The following ELOVL3 variants were observed in gnomAD, a reference collection of about 807,000 sequenced individuals.
ELOVL3 encodes ELOVL fatty acid elongase 3, also known as very long chain fatty acid elongase 3.
In ELOVL3, 11 loss-of-function variants were observed where a neutral mutation model predicts 14.9. The observed-to-expected ratio is 0.74, with a 90% CI of 0.46 to 1.22. The LOEUF (loss-of-function observed/expected upper bound fraction) is 1.22. ELOVL3 is among the 50% of genes most tolerant of loss of function. The pLI is 0.00. For synonymous variants in ELOVL3, 117 were observed against 124.7 expected, an observed-to-expected ratio of 0.94 and a Z score of 0.41; for missense variants, 277 against 338.9, an observed-to-expected ratio of 0.82 and a Z score of 1.43.
intron 1 of ELOVL3, among the ~76,000 whole-genome samples, chr10:102,227,147 G>A (rs2070142626): frequency 6.6e-6 from 1 of 152,138 alleles, no homozygotes; most frequent in Non-Finnish European, 1.5e-5. Context: ...AAGCTCCCCA[G>A]AGGTTTTGGA....
At chr10:102,226,700 G>A (rs1485630712) in intron 1 of ELOVL3, 51 bp downstream of exon 1, 4 of 1,304,468 alleles carry the variant, frequency 3.1e-6, no homozygotes, top group Non-Finnish European at 4.4e-6. Flanking sequence ...GGGCCGGGGC[G>A]CGAGGGGGTG....
In ELOVL3 at chr10:102,226,569, C is replaced by T. The variant is rs1475813379; in HGVS notation, c.21C>T (p.Val7=). Reference sequence around the variant, plus strand: ...ACTAGATGGTCACAGCCATGAATGTCTCACATGAAGTAAATCAGCTGTTCC... The same window carrying T: ...ACTAGATGGTCACAGCCATGAATGTTTCACATGAAGTAAATCAGCTGTTCC... MVTAMN[V]SHEVNQLFQP... The change falls in exon 1 of 4, where the codon GTC becomes GTT. Residue 7 remains valine (V), a synonymous_variant. Coordinates refer to ENST00000370005, the MANE Select transcript of ELOVL3 (RefSeq NM_152310.3). 2.5e-6 allele frequency: 4 copies of T among 1,614,026 alleles called. No individual in the cohort carries two copies. The South Asian group carries it at 3.3e-5, about 13-fold the overall frequency.
intron 2 of ELOVL3, 109 bp downstream of exon 2, chr10:102,227,866 G>A: frequency 7.9e-7 from 1 of 1,267,748 alleles, no homozygotes; most frequent in Non-Finnish European, 1.1e-6. Flanking sequence ...AAGTTGCCTT[G>A]TAACACTCTC....
At position 102,229,036 on chromosome 10, in the gene ELOVL3, C is replaced by T. The variant is rs990596420; in HGVS notation, c.597C>T (p.Pro199=). 3.7e-6 allele frequency: 6 copies of T among 1,614,198 alleles called. No homozygotes were observed. In the East Asian group the frequency reaches 8.9e-5, roughly 24 times the overall value. ...ACGTGAAGCCCCCCAAGATGCTGCC[C>T]ATGCTCATCACCAGCCTGCAGATCT... The part of the protein sequence containing the change: ...AANVKPPKML[P]MLITSLQILQ... The change falls in exon 4 of 4, where the codon CCC becomes CCT. Residue 199 remains proline, a synonymous_variant. Coordinates refer to ENST00000370005, the MANE Select transcript of ELOVL3 (RefSeq NM_152310.3).
rs993826543 is a variant in ELOVL3 at position 102,226,322 on chromosome 10, C to A, written c.-227C>A. ...GCGCAGGAAAGAGGTCGCGCCAGCC[C>A]GGGCAGGCAGCTTTGCAAGTCCGCG... On this transcript the variant is annotated 5_prime_UTR_variant, in exon 1 of 4. Coordinates refer to ENST00000370005, the MANE Select transcript of ELOVL3 (RefSeq NM_152310.3). 2.0e-6 allele frequency: 1 copy of A among 510,634 alleles called. No homozygotes were observed. The highest frequency in any genetic ancestry group is 2.2e-5 in the South Asian group (1 of 44,460). 31.6% of individuals were successfully genotyped at this position (510,634 alleles called of 1,614,324 possible).
chr10:102,226,435 A>C lies in ELOVL3; in HGVS notation c.-114A>C, dbSNP rs2070136337. ...CGACGCCCTCCTCCCTTTGCCCAGGAGTTCCTTCTGTCCCGGCTCTGTTCC... is the reference window on the plus strand; with the variant it reads ...CGACGCCCTCCTCCCTTTGCCCAGGCGTTCCTTCTGTCCCGGCTCTGTTCC... On this transcript the variant is annotated 5_prime_UTR_variant, in exon 1 of 4. Coordinates refer to ENST00000370005, the MANE Select transcript of ELOVL3 (RefSeq NM_152310.3). 2.9e-6 allele frequency: 2 copies of C among 688,412 alleles called. No individual in the cohort carries two copies. The highest frequency in any genetic ancestry group is 5.0e-6 in the Non-Finnish European group (2 of 400,818). The allele number at this position is 688,412 out of a possible 1,614,324, so 42.6% of individuals were successfully genotyped here.
rs1283499901 is a variant in ELOVL3 at position 102,226,537 on chromosome 10, C to T, written c.-12C>T. The T allele has an allele frequency of 6.2e-7, 1 of 1,609,720 alleles. No individual in the cohort carries two copies. The highest frequency in any genetic ancestry group is 8.5e-7 in the Non-Finnish European group (1 of 1,176,274). ...GCCTCCAAGCTTTGGACCTTGACTTCTGCAAAACTAGATGGTCACAGCCAT... is the reference window on the plus strand; with the variant it reads ...GCCTCCAAGCTTTGGACCTTGACTTTTGCAAAACTAGATGGTCACAGCCAT... On this transcript the variant is annotated 5_prime_UTR_variant, in exon 1 of 4. Coordinates refer to ENST00000370005, the MANE Select transcript of ELOVL3 (RefSeq NM_152310.3).
upstream of ELOVL3, among the ~76,000 whole-genome samples, chr10:102,225,460 T>C (rs2070129260): frequency 6.6e-6 from 1 of 152,258 alleles, no homozygotes; most frequent in Non-Finnish European, 1.5e-5. Context: ...TCAAGCCTTG[T>C]ATTTCTCCTT....
chr10:102,226,364 C>T lies in ELOVL3; in HGVS notation c.-185C>T, dbSNP rs2070135529. On this transcript the variant is annotated 5_prime_UTR_variant, in exon 1 of 4. Transcript: ENST00000370005. ...AAGTCCGCGTTATATATCGCAGTGG[C>T]TGCGCCCGGGATAGCTGGCTGCGCC... is the stretch of plus-strand genomic sequence containing the variant. 4 of 568,896 alleles carry T rather than the reference C, an allele frequency of 7.0e-6. No homozygotes were observed. Among genetic ancestry groups the T allele is most frequent in the Non-Finnish European group, 1.3e-5 (4 of 319,918 alleles). The allele number at this position is 568,896 out of a possible 1,614,324, so 35.2% of individuals were successfully genotyped here. A position where few individuals can be genotyped will look rare whatever the true frequency, so the allele number is the denominator to read the frequency against.
intron 3 of ELOVL3, 49 bp from the exon 4 acceptor site, chr10:102,228,776 G>A (rs1454442953): frequency 2.0e-6 from 3 of 1,538,264 alleles, no homozygotes; most frequent in South Asian, 1.2e-5. Flanking sequence ...AGTGCAGAGG[G>A]TGGTCCCAGC....
At chr10:102,225,118 T>G (rs1160125663), upstream of ELOVL3, among the ~76,000 whole-genome samples, 2 of 152,226 alleles carry the variant, frequency 1.3e-5, no homozygotes, top group African/African-American at 4.8e-5. Flanking sequence ...GTATAGGAAC[T>G]CTTTTCTGAT....
intron 1 of ELOVL3, 40 bp downstream of exon 1, chr10:102,226,689 G>A (rs779213124): frequency 4.0e-6 from 6 of 1,486,182 alleles, no homozygotes; most frequent in East Asian, 2.3e-5. Context: ...CCAGGGCCCC[G>A]GGGCCGGGGC....
upstream of ELOVL3, among the ~76,000 whole-genome samples, chr10:102,225,044 T>C (rs1482576373): frequency 6.6e-6 from 1 of 152,186 alleles, no homozygotes; most frequent in Non-Finnish European, 1.5e-5. Flanking sequence ...CCAAGTACAG[T>C]CTGAGACAAC....
At position 102,228,905 on chromosome 10, in the gene ELOVL3, A is replaced by G. The variant is rs199988782; in HGVS notation, c.466A>G (p.Thr156Ala). ...CCACCACAGCACAGTGCTCGTGTAC[A>G]CAAGCTTTGGATACAAGAACAAAGT... ...WYHHSTVLVY[T>A]SFGYKNKVPA... is the part of the protein sequence containing the mutation. Residue 156 changes from threonine (T) to alanine (A), a missense_variant, in exon 4 of 4, where the codon ACA becomes GCA. Physicochemically the swap from Thr to Ala is moderately conservative, Grantham distance 58. Coordinates refer to ENST00000370005, the MANE Select transcript of ELOVL3 (RefSeq NM_152310.3). 1.3e-5 allele frequency: 21 copies of G among 1,614,100 alleles called. No individual in the cohort carries two copies. In the Middle Eastern group the frequency reaches 6.6e-4, roughly 51 times the overall value.
In ELOVL3 at chr10:102,226,432, A is replaced by G. The variant is rs2070136297; in HGVS notation, c.-117A>G. 2 of 680,136 alleles carry G rather than the reference A, an allele frequency of 2.9e-6. No homozygotes were observed. The highest frequency in any genetic ancestry group is 2.5e-6 in the Non-Finnish European group (1 of 395,560). 42.1% of individuals were successfully genotyped at this position (680,136 alleles called of 1,614,324 possible). On this transcript the variant is annotated 5_prime_UTR_variant, in exon 1 of 4. Transcript: ENST00000370005. Reference sequence around the variant, plus strand: ...GTTCGACGCCCTCCTCCCTTTGCCCAGGAGTTCCTTCTGTCCCGGCTCTGT... The same window carrying G: ...GTTCGACGCCCTCCTCCCTTTGCCCGGGAGTTCCTTCTGTCCCGGCTCTGT...
chr10:102,228,027 A>G (rs983516208), intron 2 of ELOVL3, among the ~76,000 whole-genome samples: 10 of 151,832 alleles, frequency 6.6e-5, no homozygotes, highest in African/African-American at 2.4e-4. Context: ...TAATTTCTCC[A>G]GCCTCTAATA....
In ELOVL3 at chr10:102,228,997, T is replaced by G. The variant is rs2070168602; in HGVS notation, c.558T>G (p.Thr186=). 6.2e-7 allele frequency: 1 copy of G among 1,614,132 alleles called. No individual in the cohort carries two copies. The highest frequency in any genetic ancestry group is 8.5e-7 in the Non-Finnish European group (1 of 1,180,032). ...GVHAIMYTYY[T]LKAANVKPPK... ...ATGCCATCATGTACACCTACTACAC[T>G]CTGAAGGCTGCCAACGTGAAGCCCC... Residue 186 remains threonine, a synonymous_variant, in exon 4 of 4, where the codon ACT becomes ACG. Coordinates refer to ENST00000370005, the MANE Select transcript of ELOVL3 (RefSeq NM_152310.3).
upstream of ELOVL3, among the ~76,000 whole-genome samples, chr10:102,225,766 G>A (rs1321499432): frequency 6.6e-6 from 1 of 152,168 alleles, no homozygotes; most frequent in Non-Finnish European, 1.5e-5. Context: ...AAACTATAAA[G>A]AAACCACAAC....
chr10:102,225,876 G>A (rs1362696439), upstream of ELOVL3, among the ~76,000 whole-genome samples: 1 of 152,158 alleles, frequency 6.6e-6, no homozygotes, highest in Non-Finnish European at 1.5e-5. Flanking sequence ...TCGAAGCTAG[G>A]AGGTGGAAGG....
Sources: allele counts gnomAD v4.1 joint callset (sites outside exome capture counted in the v4.1 genomes callset), GRCh38; gene constraint gnomAD v4.1.1; transcripts MANE v1.5; gene names NCBI Gene and HGNC (gene_info 2026-07-23, HGNC 2026-07-21).